The following CTNNA3 variants were observed in gnomAD, a reference collection of about 807,000 sequenced individuals.
CTNNA3 encodes catenin alpha-3.
A neutral mutation model predicts 95.7 loss-of-function variants in CTNNA3; 76 were observed. That is an observed-to-expected ratio of 0.79 (90% CI 0.66 to 0.96). The LOEUF (loss-of-function observed/expected upper bound fraction) is 0.96, where lower values mean the gene tolerates loss of function less well. Among genes scored for constraint, CTNNA3 ranks in the 40% least tolerant of loss-of-function variants. The pLI, the probability that CTNNA3 is intolerant of heterozygous loss-of-function variation, is 0.00. For synonymous variants in CTNNA3, 431 were observed against 374.4 expected (o/e 1.15, Z -1.74); for missense variants, 1,191 against 1,089.8 (o/e 1.09, Z -1.31).
intron 1 of CTNNA3, among the ~76,000 whole-genome samples, chr10:67,709,135 G>T (rs1019717422): frequency 6.6e-6 from 1 of 152,072 alleles, no homozygotes; most frequent in African/African-American, 2.4e-5. Context: ...ATGCACTGTT[G>T]TATTGTCAAT....
chr10:66,856,334 G>C (rs566904130), intron 7 of CTNNA3, among the ~76,000 whole-genome samples: 1 of 152,140 alleles, frequency 6.6e-6, no homozygotes, highest in East Asian at 1.9e-4. Flanking sequence ...TGGGCGTTTA[G>C]GTTGATTCCA....
At chr10:67,480,436 AGATTTCTTGCT>A (rs1347204468) in intron 5 of CTNNA3, among the ~76,000 whole-genome samples, 1 of 152,218 alleles carries the variant, frequency 6.6e-6, no homozygotes, top group Non-Finnish European at 1.5e-5. Flanking sequence ...GTGACTGCAG[AGATTTCTTGCT>A]GCTATGATGG....
At chr10:66,718,755 CTG>C (rs887828380) in intron 9 of CTNNA3, among the ~76,000 whole-genome samples, 46 of 151,950 alleles carry the variant, frequency 3.0e-4, no homozygotes, top group Non-Finnish European at 4.3e-4. Flanking sequence ...AGGCCAAAAA[CTG>C]TGCTTGTCAT....
intron 5 of CTNNA3, among the ~76,000 whole-genome samples, chr10:67,237,635 G>A (rs1303983508): frequency 3.3e-5 from 5 of 152,140 alleles, no homozygotes; most frequent in African/African-American, 1.2e-4. Flanking sequence ...AAAAGAGCAT[G>A]TGGAAAGGTC....
chr10:66,727,975 G>A (rs150395501), intron 9 of CTNNA3, among the ~76,000 whole-genome samples: 129 of 152,254 alleles, frequency 8.5e-4, no homozygotes, highest in South Asian at 4.1e-3. Context: ...TTAATGTGAC[G>A]AAATTTTGGA....
chr10:67,760,619 A>G (rs2131758327), intron 1 of CTNNA3, among the ~76,000 whole-genome samples: 1 of 148,196 alleles, frequency 6.7e-6, no homozygotes, highest in African/African-American at 2.4e-5. Flanking sequence ...ACCGGGCCAC[A>G]CAGCAGGAGG....
chr10:67,409,340 G>A (rs1475777204), intron 5 of CTNNA3, among the ~76,000 whole-genome samples: 2 of 152,076 alleles, frequency 1.3e-5, no homozygotes, highest in East Asian at 3.9e-4. Flanking sequence ...TAACCCAAAT[G>A]CCCATCAATG....
intron 7 of CTNNA3, among the ~76,000 whole-genome samples, chr10:66,967,945 TG>T (rs1456330503): frequency 1.3e-5 from 2 of 152,146 alleles, no homozygotes; most frequent in Non-Finnish European, 2.9e-5. Context: ...CATTTAGGAA[TG>T]CTTTTTGATG....
chr10:66,309,950 T>TAAATAAATAAATA, intron 12 of CTNNA3, among the ~76,000 whole-genome samples: 1 of 105,046 alleles, frequency 9.5e-6, no homozygotes, highest in East Asian at 3.1e-4. Flanking sequence ...AATAAATAAA[T>TAAATAAATAAATA]AAATAAAATA....
intron 1 of CTNNA3, chr10:67,750,381 A>C: frequency 2.0e-6 from 3 of 1,495,722 alleles, no homozygotes; most frequent in Non-Finnish European, 2.8e-6. Context: ...GAAGTGGTGA[A>C]GGTGGCCATT....
rs367805370 is a variant in CTNNA3 at position 66,109,955 on chromosome 10, A to G, written c.1885-6706T>C. On this transcript the variant is annotated intron_variant, in intron 13 of 17. Coordinates refer to ENST00000433211, the MANE Select transcript of CTNNA3 (RefSeq NM_013266.4). ...TGATAATTGTATATATTATATATTTATGTAGCATACTGTGATGTTTACAAC... is the reference window on the plus strand; with the variant it reads ...TGATAATTGTATATATTATATATTTGTGTAGCATACTGTGATGTTTACAAC... Among the ~76,000 whole-genome samples, 13 of 151,960 alleles carry G rather than the reference A, an allele frequency of 8.6e-5. No homozygotes were observed. In the East Asian group the frequency reaches 1.2e-3, roughly 14 times the overall value.
intron 4 of CTNNA3, among the ~76,000 whole-genome samples, chr10:67,535,659 A>AGAGTTTG (rs1308596059): frequency 6.6e-6 from 1 of 152,114 alleles, no homozygotes; most frequent in East Asian, 1.9e-4. Flanking sequence ...TTCACATCAG[A>AGAGTTTG]GAGTTTGTTT....
chr10:67,292,360 C>T (rs1017731852), intron 5 of CTNNA3, among the ~76,000 whole-genome samples: 1 of 152,052 alleles, frequency 6.6e-6, no homozygotes, highest in Admixed American at 6.6e-5. Flanking sequence ...AGGAGAAAGT[C>T]AAAGAAGCTT....
At chr10:66,350,958 T>G (rs1248841172) in intron 12 of CTNNA3, among the ~76,000 whole-genome samples, 1 of 152,072 alleles carries the variant, frequency 6.6e-6, no homozygotes, top group African/African-American at 2.4e-5. Flanking sequence ...GATAACTTGA[T>G]AGTAAACAGC....
At chr10:66,763,357 G>C (rs1209193891) in intron 9 of CTNNA3, among the ~76,000 whole-genome samples, 2 of 151,420 alleles carry the variant, frequency 1.3e-5, no homozygotes, top group Admixed American at 6.6e-5. Context: ...GAGAGAGGGA[G>C]AGAGAGAGAA....
chr10:67,280,352 G>C lies in CTNNA3; in HGVS notation c.580-60482C>G, dbSNP rs1278315364. Among the ~76,000 whole-genome samples the C allele has an allele frequency of 9.5e-5, 14 of 146,968 alleles. 1 individual carries two copies. Among genetic ancestry groups the C allele is most frequent in the Non-Finnish European group, 1.5e-5 (1 of 66,274 alleles). On this transcript the variant is annotated intron_variant, in intron 5 of 17. Coordinates refer to ENST00000433211, the MANE Select transcript of CTNNA3 (RefSeq NM_013266.4). ...CTCTAAAGCTCATTCAAATGCCAAA[G>C]AGAACCATTTACAAGCTAATTTCTG...
At chr10:66,446,468 T>C (rs1278167936) in intron 11 of CTNNA3, among the ~76,000 whole-genome samples, 1 of 151,764 alleles carries the variant, frequency 6.6e-6, no homozygotes, top group African/African-American at 2.4e-5. Context: ...TCAAAAAGTT[T>C]ATCCACCATG....
At chr10:66,301,899 C>T (rs1470286329) in intron 12 of CTNNA3, among the ~76,000 whole-genome samples, 1 of 151,964 alleles carries the variant, frequency 6.6e-6, no homozygotes, top group Non-Finnish European at 1.5e-5. Context: ...GATTAAAAAT[C>T]TCTTTGTAGA....
chr10:67,543,529 T>C (rs191861568), intron 3 of CTNNA3, among the ~76,000 whole-genome samples: 7 of 152,112 alleles, frequency 4.6e-5, no homozygotes, highest in African/African-American at 1.7e-4. Flanking sequence ...GAAAACATAG[T>C]ATAAGAAAAA....
Sources: allele counts gnomAD v4.1 joint callset (sites outside exome capture counted in the v4.1 genomes callset), GRCh38; gene constraint gnomAD v4.1.1; transcripts MANE v1.5; gene names NCBI Gene and HGNC (gene_info 2026-07-23, HGNC 2026-07-21).